The following MRPL48 variants were observed in gnomAD, a reference collection of about 807,000 sequenced individuals.
The protein encoded by MRPL48 is large ribosomal subunit protein mL48.
In MRPL48, 16 loss-of-function variants were observed where a neutral mutation model predicts 32.9. That is an observed-to-expected ratio of 0.49 (90% CI 0.33 to 0.74). The LOEUF (loss-of-function observed/expected upper bound fraction) is 0.74, where lower values mean the gene tolerates loss of function less well. Ranked by LOEUF, MRPL48 falls within the 30% of genes least tolerant of loss-of-function variation. The probability of loss-of-function intolerance (pLI) is 0.02; values close to 1 mark genes in which losing one functional copy is unlikely to be tolerated. For missense variants in MRPL48, 206 were observed against 245.3 expected (o/e 0.84, Z 1.07); for synonymous variants, 94 against 89.2 (o/e 1.05, Z -0.31).
At chr11:73,846,062 T>C (rs1477496896) in intron 5 of MRPL48, among the ~76,000 whole-genome samples, 5 of 107,898 alleles carry the variant, frequency 4.6e-5, no homozygotes, top group Non-Finnish European at 9.1e-5. Flanking sequence ...AGCAAGACCC[T>C]GTCTCAAAAA....
chr11:73,851,324 G>A (rs557092142), intron 5 of MRPL48: 37 of 225,508 alleles, frequency 1.6e-4, no homozygotes, highest in African/African-American at 8.5e-4. Flanking sequence ...AACTTGCCTG[G>A]ATTTAAACCC....
At chr11:73,860,647 A>G (rs1214157604) in intron 6 of MRPL48, among the ~76,000 whole-genome samples, 1 of 152,170 alleles carries the variant, frequency 6.6e-6, no homozygotes, top group African/African-American at 2.4e-5. Flanking sequence ...GAGAGTACCC[A>G]GAGGTATAAA....
intron 5 of MRPL48, among the ~76,000 whole-genome samples, chr11:73,848,120 AT>A (rs1948328291): frequency 6.6e-6 from 1 of 151,952 alleles, no homozygotes; most frequent in Non-Finnish European, 1.5e-5. Context: ...AGTTTTAAGT[AT>A]TATATTTAGG....
At chr11:73,851,060 G>T (rs1332253923) in intron 5 of MRPL48, 3 of 500,788 alleles carry the variant, frequency 6.0e-6, no homozygotes, top group African/African-American at 2.0e-5. Flanking sequence ...GGTTTGGCTG[G>T]CATCAATTTT....
chr11:73,844,818 G>T lies in MRPL48; in HGVS notation c.213G>T (p.Lys71Asn). 6.2e-7 allele frequency: 1 copy of T among 1,612,932 alleles called. No homozygotes were observed. The highest frequency in any genetic ancestry group is 8.5e-7 in the Non-Finnish European group (1 of 1,179,670). The change falls in exon 5 of 8, where the codon AAG becomes AAT. Residue 71 changes from lysine (K) to asparagine (N), a missense_variant. By Grantham distance (94) the Lys-to-Asn change is moderately conservative. Transcript: ENST00000310614. Reference protein sequence around the residue: ...HLIKAEEPKKKKGKVEVRAIN... With the variant: ...HLIKAEEPKKNKGKVEVRAIN... ...TGTTTTCTCTTCAGCCCAAGAAGAA[G>T]AAGGGAAAAGTGGAAGTGAGAGCCA...
At chr11:73,845,747 G>C (rs1188497524) in intron 5 of MRPL48, among the ~76,000 whole-genome samples, 1 of 152,006 alleles carries the variant, frequency 6.6e-6, no homozygotes, top group East Asian at 1.9e-4. Context: ...TTCAGCCTGA[G>C]TGACGGAGTG....
At chr11:73,794,565 A>G (rs1266736325) in intron 1 of MRPL48, among the ~76,000 whole-genome samples, 4 of 151,862 alleles carry the variant, frequency 2.6e-5, no homozygotes, top group African/African-American at 9.7e-5. Context: ...CTGGAAAAAA[A>G]AAAAAAATTT....
chr11:73,798,776 G>T (rs1304182051), intron 1 of MRPL48, among the ~76,000 whole-genome samples: 1 of 152,056 alleles, frequency 6.6e-6, no homozygotes, highest in Non-Finnish European at 1.5e-5. Flanking sequence ...CGGATCACGA[G>T]GTCAGGAGTT....
intron 4 of MRPL48, among the ~76,000 whole-genome samples, chr11:73,844,276 G>A (rs959717537): frequency 4.0e-5 from 6 of 149,320 alleles, no homozygotes; most frequent in African/African-American, 1.5e-4. Flanking sequence ...CGAAAAATAC[G>A]AAAAATTAGC....
chr11:73,861,746 C>A (rs1039855107), intron 6 of MRPL48, among the ~76,000 whole-genome samples: 3 of 152,182 alleles, frequency 2.0e-5, no homozygotes, highest in African/African-American at 4.8e-5. Context: ...CCTTCAAAAT[C>A]CTCCACATTA....
intron 1 of MRPL48, 121 bp downstream of exon 1, chr11:73,788,113 G>T: frequency 7.0e-7 from 1 of 1,430,330 alleles, no homozygotes; most frequent in South Asian, 1.3e-5. Context: ...TGAGACACTG[G>T]GGCGCCCAAG....
chr11:73,864,633 T>C lies in MRPL48; in HGVS notation c.*263T>C, dbSNP rs1247266342. The C allele has an allele frequency of 8.3e-6, 4 of 481,202 alleles. No homozygotes were observed. Among genetic ancestry groups the C allele is most frequent in the Non-Finnish European group, 1.5e-5 (4 of 265,412 alleles). 29.8% of individuals were successfully genotyped at this position (481,202 alleles called of 1,614,324 possible). ...TGTATGTGTGTGTGAGAGAGAGAAATTGGCCCATCCTGTGGAGTATCTTTA... is the reference window on the plus strand; with the variant it reads ...TGTATGTGTGTGTGAGAGAGAGAAACTGGCCCATCCTGTGGAGTATCTTTA... On this transcript the variant is annotated 3_prime_UTR_variant, in exon 8 of 8. Coordinates refer to ENST00000310614, the MANE Select transcript of MRPL48 (RefSeq NM_016055.6).
At chr11:73,818,211 T>G (rs1947710878) in intron 3 of MRPL48, among the ~76,000 whole-genome samples, 1 of 151,934 alleles carries the variant, frequency 6.6e-6, no homozygotes. Context: ...ACCCATCCAC[T>G]CCGTGTGTGG....
At chr11:73,791,321 A>G (rs1345626175) in intron 1 of MRPL48, among the ~76,000 whole-genome samples, 4 of 152,140 alleles carry the variant, frequency 2.6e-5, no homozygotes, top group Non-Finnish European at 4.4e-5. Flanking sequence ...TGTAACCCAT[A>G]CAGCCCATTA....
rs1209963195 is a variant in MRPL48 at position 73,851,620 on chromosome 11, G to T, written c.371+6644G>T. Among the ~76,000 whole-genome samples, 4 of 152,210 alleles carry T rather than the reference G, an allele frequency of 2.6e-5. No homozygotes were observed. In the East Asian group the frequency reaches 7.7e-4, roughly 29 times the overall value. On this transcript the variant is annotated intron_variant, in intron 5 of 7. Transcript: ENST00000310614. ...TGGGCTCGAATGATCTATTCATGTGGCAGTTCCTTTTCCCTCTGACAGTGC... is the reference window on the plus strand; with the variant it reads ...TGGGCTCGAATGATCTATTCATGTGTCAGTTCCTTTTCCCTCTGACAGTGC...
At chr11:73,804,925 CT>C in intron 1 of MRPL48, 101 bp from the exon 2 acceptor site, 2 of 1,061,998 alleles carry the variant, frequency 1.9e-6, no homozygotes, top group Admixed American at 2.8e-5. Flanking sequence ...CCTTTTTGTC[CT>C]TTTCTGGTTT....
At chr11:73,851,350 G>A (rs1478460746) in intron 5 of MRPL48, 6 of 222,202 alleles carry the variant, frequency 2.7e-5, no homozygotes, top group Admixed American at 2.5e-4. Context: ...TGCCTGACAA[G>A]TATTTTCAGT....
chr11:73,844,133 G>A (rs1422387863), intron 4 of MRPL48, among the ~76,000 whole-genome samples: 1 of 151,744 alleles, frequency 6.6e-6, no homozygotes, highest in African/African-American at 2.4e-5. Flanking sequence ...ATATGGGTTA[G>A]GAATATTTTA....
intron 1 of MRPL48, among the ~76,000 whole-genome samples, chr11:73,794,921 T>C (rs185314715): frequency 1.3e-5 from 2 of 150,548 alleles, no homozygotes; most frequent in Non-Finnish European, 3.0e-5. Flanking sequence ...ATTTTTTTTT[T>C]TTTTTTGGAG....
Sources: gnomAD v4.1 joint callset for allele counts (sites outside exome capture counted in the v4.1 genomes callset) on GRCh38, gnomAD v4.1.1 for gene constraint, MANE v1.5 for transcripts, NCBI Gene and HGNC (gene_info 2026-07-23, HGNC 2026-07-21) for gene names.